Variants in FRMPD1 observed in about 807,000 individuals in gnomAD.
FRMPD1 encodes the protein FERM and PDZ domain containing 1, also known as FERM and PDZ domain-containing protein 1.
A neutral mutation model predicts 117.8 loss-of-function variants in FRMPD1; 76 were observed. The ratio of observed to expected loss-of-function variants is 0.65; its 90% CI spans 0.54 to 0.78. The LOEUF is 0.78. FRMPD1 is among the 30% of genes least tolerant of loss of function. FRMPD1 has a pLI of 0.00. For missense variants in FRMPD1, 1,786 were observed against 1,964.5 expected (o/e 0.91, Z 1.72); for synonymous variants, 783 against 770.4 (o/e 1.02, Z -0.27).
the FRMPD1 span, among the ~76,000 whole-genome samples, chr9:37,613,941 A>G: frequency 6.6e-6 from 1 of 152,360 alleles, no homozygotes; most frequent in Non-Finnish European, 1.5e-5. Flanking sequence ...TGCCTGGCAC[A>G]TAGAGGCACT....
In FRMPD1 at chr9:37,735,682, CG is replaced by C; in HGVS notation, c.1351del (p.Glu451LysfsTer6). The C allele has an allele frequency of 1.9e-6, 3 of 1,613,572 alleles. No individual in the cohort carries two copies. The highest frequency in any genetic ancestry group is 2.5e-6 in the Non-Finnish European group (3 of 1,179,782). On this transcript the variant is annotated frameshift_variant, in exon 13 of 16. Transcript: ENST00000377765. LOFTEE classifies it high-confidence loss of function. ...EFANISRVELTEESEKVSVVK... is the reference protein window; with the variant it reads ...EFANISRVELXEESEKVSVVK... ...GCAAACATCAGCCGTGTAGAGCTAA[CG>C]GAAGAGTCTGAGAAAGTGAGCGTCG...
the FRMPD1 span, chr9:37,637,340 G>T: frequency 1.1e-6 from 1 of 906,064 alleles, no homozygotes; most frequent in Non-Finnish European, 1.8e-6. Context: ...GCTCTGCTCC[G>T]CCTCCCGTTC....
chr9:37,731,031 C>T lies in FRMPD1; in HGVS notation c.786C>T (p.Val262=), dbSNP rs530385506. Residue 262 remains valine, a synonymous_variant, in exon 9 of 16, where the codon GTC becomes GTT. Coordinates refer to ENST00000377765, the MANE Select transcript of FRMPD1 (RefSeq NM_014907.3). ...ESHDYRCLFR[V]CFVPKDPLDL... ...ATGACTACCGCTGCCTCTTCAGGGTCTGTTTTGTTCCCAAGGACCCCCTGG... is the reference window on the plus strand; with the variant it reads ...ATGACTACCGCTGCCTCTTCAGGGTTTGTTTTGTTCCCAAGGACCCCCTGG... 1.2e-6 allele frequency: 2 copies of T among 1,613,612 alleles called. No homozygotes were observed. Among genetic ancestry groups the T allele is most frequent in the South Asian group, 1.1e-5 (1 of 91,068 alleles).
At chr9:37,736,744 T>C (rs915211795) in intron 13 of FRMPD1, among the ~76,000 whole-genome samples, 2 of 151,498 alleles carry the variant, frequency 1.3e-5, no homozygotes, top group African/African-American at 4.9e-5. Flanking sequence ...ATGAACAGGG[T>C]GGGATGGGGC....
At chr9:37,653,643 GA>G (rs1820749375) in intron 1 of FRMPD1, among the ~76,000 whole-genome samples, 1 of 152,202 alleles carries the variant, frequency 6.6e-6, no homozygotes, top group South Asian at 2.1e-4. Context: ...ATTGGTGGGG[GA>G]GGGGGGCAGA....
At chr9:37,678,381 C>T (rs1219609541) in intron 1 of FRMPD1, among the ~76,000 whole-genome samples, 3 of 151,174 alleles carry the variant, frequency 2.0e-5, no homozygotes, top group Admixed American at 1.3e-4. Context: ...CTTCCTCAGC[C>T]TCCCAAGTAG....
chr9:37,694,913 T>C (rs1822268233), intron 2 of FRMPD1, among the ~76,000 whole-genome samples: 1 of 152,160 alleles, frequency 6.6e-6, no homozygotes, highest in Non-Finnish European at 1.5e-5. Context: ...TCTTTTTTAT[T>C]GTCAAATAAT....
intron 14 of FRMPD1, 130 bp from the exon 15 acceptor site, chr9:37,739,948 G>A (rs946198507): frequency 2.5e-5 from 17 of 693,040 alleles, no homozygotes; most frequent in African/African-American, 5.3e-5. Flanking sequence ...AGTATAGGAC[G>A]GTCTTAGGCC....
chr9:37,698,688 C>T (rs1157483637), intron 2 of FRMPD1, among the ~76,000 whole-genome samples: 1 of 149,988 alleles, frequency 6.7e-6, no homozygotes, highest in African/African-American at 2.5e-5. Context: ...CAGTCGCCCG[C>T]GTAGCTGGGA....
chr9:37,628,058 T>C, the FRMPD1 span, among the ~76,000 whole-genome samples: 1,334 of 152,348 alleles, frequency 8.8e-3, 10 homozygotes, highest in Non-Finnish European at 0.011. Flanking sequence ...AACCCAGTAC[T>C]GGCAGACCCC....
In FRMPD1 at chr9:37,735,532, T is replaced by A. The variant is rs374352396; in HGVS notation, c.1219-20T>A. 1 of 1,587,600 alleles carries A rather than the reference T, an allele frequency of 6.3e-7. No homozygotes were observed. On this transcript the variant is annotated intron_variant, in intron 12 of 15. Coordinates refer to ENST00000377765, the MANE Select transcript of FRMPD1 (RefSeq NM_014907.3). ...CACTCGCTTGCGAATGGAGACTAAT[T>A]CCCCTTCCACCCTCTGCAGTTACAG...
At chr9:37,742,919 A>G (rs1329841640) in intron 15 of FRMPD1, among the ~76,000 whole-genome samples, 1 of 152,104 alleles carries the variant, frequency 6.6e-6, no homozygotes, top group Non-Finnish European at 1.5e-5. Flanking sequence ...AAACAAAAAA[A>G]CCTAAACCTT....
chr9:37,676,653 G>A (rs532003125), intron 1 of FRMPD1, among the ~76,000 whole-genome samples: 1 of 152,284 alleles, frequency 6.6e-6, no homozygotes, highest in African/African-American at 2.4e-5. Flanking sequence ...GCTTAATTAA[G>A]ACAGCCAGAG....
In FRMPD1 at chr9:37,677,764, T is replaced by A. The variant is rs181080003; in HGVS notation, c.-4-14874T>A. On this transcript the variant is annotated intron_variant, in intron 1 of 15. Transcript: ENST00000377765. Reference sequence around the variant, plus strand: ...ACCACCAAACAAGATCATCTGCCCATGAGAGTGCTTTGAAAACTACAGACC... The same window carrying A: ...ACCACCAAACAAGATCATCTGCCCAAGAGAGTGCTTTGAAAACTACAGACC... Among the ~76,000 whole-genome samples the A allele has an allele frequency of 6.2e-4, 95 of 152,332 alleles. 1 individual carries two copies. The highest frequency in any genetic ancestry group is 4.6e-4 in the Non-Finnish European group (31 of 68,016).
the FRMPD1 span, among the ~76,000 whole-genome samples, chr9:37,603,766 C>G: frequency 1.3e-5 from 2 of 152,110 alleles, no homozygotes; most frequent in African/African-American, 4.8e-5. Context: ...GCAACCTCTG[C>G]CTCCTGAGTT....
the FRMPD1 span, among the ~76,000 whole-genome samples, chr9:37,645,386 G>A: frequency 2.6e-5 from 4 of 152,230 alleles, no homozygotes; most frequent in Admixed American, 6.5e-5. Context: ...TCGAATACCA[G>A]TTTTATCAAG....
chr9:37,615,526 C>A, the FRMPD1 span, among the ~76,000 whole-genome samples: 1 of 152,142 alleles, frequency 6.6e-6, no homozygotes, highest in African/African-American at 2.4e-5. Flanking sequence ...CATTCTGTTT[C>A]TTTAAGGTGA....
Position 37,746,388 on chromosome 9 carries a change from C to T in FRMPD1, c.4356C>T (p.Thr1452=). The part of the protein sequence containing the change: ...VGNKHPPEKC[T]WHFTESRSRL... ...ACAAACATCCCCCAGAGAAGTGCAC[C>T]TGGCACTTTACCGAAAGCCGGAGCC... Residue 1452 remains threonine, a synonymous_variant, in exon 16 of 16, where the codon ACC becomes ACT. Transcript: ENST00000377765. 1 of 1,612,936 alleles carries T rather than the reference C, an allele frequency of 6.2e-7. No homozygotes were observed. The highest frequency in any genetic ancestry group is 1.1e-5 in the South Asian group (1 of 91,040).
chr9:37,715,797 A>C (rs1823092718), intron 5 of FRMPD1: 3 of 412,452 alleles, frequency 7.3e-6, no homozygotes, highest in Non-Finnish European at 1.5e-5. Context: ...GGGCATTTTC[A>C]TGTCAGCATT....
Sources: allele counts gnomAD v4.1 joint callset (sites outside exome capture counted in the v4.1 genomes callset), GRCh38; gene constraint gnomAD v4.1.1; transcripts MANE v1.5; gene names NCBI Gene and HGNC (gene_info 2026-07-23, HGNC 2026-07-21).